The following DLG2 variants were observed in gnomAD, a reference collection of about 807,000 sequenced individuals.
The protein encoded by DLG2 is disks large homolog 2.
DLG2 carries 45 observed loss-of-function variants against 132.5 expected under a neutral mutation model. The observed-to-expected ratio is 0.34, with a 90% CI of 0.27 to 0.44. The LOEUF is 0.44. Ranked by LOEUF, DLG2 falls within the 20% of genes least tolerant of loss-of-function variation. DLG2 has a pLI of 1.00. For synonymous variants in DLG2, 424 were observed against 419.6 expected (o/e 1.01, Z -0.13); for missense variants, 1,045 against 1,196.9 (o/e 0.87, Z 1.87).
At chr11:84,891,015 C>T (rs1183121281) in intron 6 of DLG2, 2 of 152,136 alleles carry the variant, frequency 1.3e-5, no homozygotes, top group East Asian at 1.9e-4. Flanking sequence ...TACTTCTGAT[C>T]CTTAGACTTT....
chr11:84,203,042 G>A (rs4603327), intron 8 of DLG2, among the ~76,000 whole-genome samples: 117,273 of 152,048 alleles, frequency 0.77, 47,462 homozygotes, highest in Middle Eastern at 0.93. Context: ...AACTGTTGTG[G>A]AAGACACTGT....
rs530492192 is a variant in DLG2 at position 84,766,869 on chromosome 11, G to A, written c.358-232138C>T. ...ATTTTCATAAATAATCATAAACAAA[G>A]TAGAAATGAAAAGTATCAATGGCTT... On this transcript the variant is annotated intron_variant, in intron 6 of 27. Coordinates refer to ENST00000376104, the MANE Select transcript of DLG2 (RefSeq NM_001142699.3). 3.9e-5 allele frequency among the ~76,000 whole-genome samples: 6 copies of A among 152,168 alleles called. No individual in the cohort carries two copies. The East Asian group carries it at 9.6e-4, about 24-fold the overall frequency.
rs145107430 is a variant in DLG2 at position 85,458,266 on chromosome 11, T to C, written c.40+140391A>G. 7.5e-4 allele frequency among the ~76,000 whole-genome samples: 114 copies of C among 152,344 alleles called. 1 individual carries two copies. The highest frequency in any genetic ancestry group is 2.5e-3 in the African/African-American group (105 of 41,580). ...ATTGCATTATAAAATTCTTGCAGTA[T>C]GTTTTTCAGCTCTATCAAATCTGTT... On this transcript the variant is annotated intron_variant, in intron 3 of 27. Coordinates refer to ENST00000376104, the MANE Select transcript of DLG2 (RefSeq NM_001142699.3).
chr11:84,498,333 G>C (rs565591149), intron 7 of DLG2, among the ~76,000 whole-genome samples: 15 of 152,096 alleles, frequency 9.9e-5, no homozygotes, highest in African/African-American at 3.1e-4. Context: ...CAATGACAGG[G>C]AGCTGACTGG....
intron 20 of DLG2, among the ~76,000 whole-genome samples, chr11:83,533,910 C>T (rs1320246070): frequency 1.3e-5 from 2 of 151,944 alleles, no homozygotes; most frequent in Non-Finnish European, 2.9e-5. Context: ...GGAAGATAGA[C>T]TGAAGGAGGG....
intron 21 of DLG2, among the ~76,000 whole-genome samples, chr11:83,499,852 G>GAT (rs60890814): frequency 0.029 from 1,770 of 60,930 alleles, 67 homozygotes; most frequent in Admixed American, 0.044. Context: ...ACTAATAGGA[G>GAT]ATATATATAT....
At chr11:84,714,596 T>G (rs2060896915) in intron 6 of DLG2, among the ~76,000 whole-genome samples, 1 of 89,472 alleles carries the variant, frequency 1.1e-5, no homozygotes, top group Non-Finnish European at 1.9e-5. Flanking sequence ...TCTTTCTCTT[T>G]CTTTCTCTTT....
intron 3 of DLG2, among the ~76,000 whole-genome samples, chr11:85,317,804 G>T (rs543390018): frequency 6.6e-6 from 1 of 151,786 alleles, no homozygotes; most frequent in African/African-American, 2.4e-5. Context: ...AATAACTAAT[G>T]AGTACTAGGC....
At position 83,496,070 on chromosome 11, in the gene DLG2, A is replaced by AAT. The variant is rs1390284939; in HGVS notation, c.2194-11844_2194-11843dup. ...TCACAAAGTGGGAAACAATGTTTGC[A>AAT]ATATATATATCTGAAAAGTTTTTAT... On this transcript the variant is annotated intron_variant, in intron 21 of 27. Transcript: ENST00000376104. Among the ~76,000 whole-genome samples, 3 of 152,092 alleles carry AAT rather than the reference A, an allele frequency of 2.0e-5. No homozygotes were observed. The East Asian group carries it at 5.8e-4, about 29-fold the overall frequency.
chr11:83,766,095 CTTTT>C (rs35863223), intron 18 of DLG2, among the ~76,000 whole-genome samples: 2 of 133,686 alleles, frequency 1.5e-5, no homozygotes, highest in Non-Finnish European at 1.6e-5. Context: ...CCACTGAATG[CTTTT>C]TTTTTTTTTT....
At chr11:85,293,596 C>T (rs1473922244) in intron 3 of DLG2, among the ~76,000 whole-genome samples, 1 of 152,038 alleles carries the variant, frequency 6.6e-6, no homozygotes, top group Non-Finnish European at 1.5e-5. Flanking sequence ...ACATACTTGA[C>T]TTGAAATCTT....
chr11:83,587,656 A>G (rs2097108802), intron 19 of DLG2, among the ~76,000 whole-genome samples: 1 of 152,188 alleles, frequency 6.6e-6, no homozygotes, highest in Non-Finnish European at 1.5e-5. Flanking sequence ...GAGGAATAGG[A>G]ACAGCTCCGG....
At chr11:85,463,148 C>G (rs2092672219) in intron 3 of DLG2, among the ~76,000 whole-genome samples, 1 of 152,214 alleles carries the variant, frequency 6.6e-6, no homozygotes. Flanking sequence ...ACAGCCCTAA[C>G]AGACTAATAT....
At chr11:84,109,319 G>A (rs1336988449) in intron 9 of DLG2, among the ~76,000 whole-genome samples, 1 of 152,140 alleles carries the variant, frequency 6.6e-6, no homozygotes, top group Non-Finnish European at 1.5e-5. Flanking sequence ...AGTTTTCTGA[G>A]TGACAGACCT....
At chr11:83,479,829 ATC>A (rs530398280) in intron 22 of DLG2, among the ~76,000 whole-genome samples, 102 of 152,240 alleles carry the variant, frequency 6.7e-4, no homozygotes, top group Non-Finnish European at 1.2e-3. Flanking sequence ...TTCCCCAATT[ATC>A]AAAAAAGTAA....
At chr11:84,865,949 A>G (rs572651484) in intron 6 of DLG2, among the ~76,000 whole-genome samples, 2 of 152,354 alleles carry the variant, frequency 1.3e-5, no homozygotes, top group African/African-American at 2.4e-5. Flanking sequence ...GCAACCTTAG[A>G]ATCTGCTACA....
chr11:85,537,327 A>C (rs1285102908), intron 3 of DLG2, among the ~76,000 whole-genome samples: 1 of 152,220 alleles, frequency 6.6e-6, no homozygotes, highest in African/African-American at 2.4e-5. Context: ...GGCTCAGGTC[A>C]CTTTCCAGGC....
chr11:85,153,475 T>C (rs77087470), intron 5 of DLG2, among the ~76,000 whole-genome samples: 2,956 of 152,274 alleles, frequency 0.019, 56 homozygotes, highest in Admixed American at 0.037. Flanking sequence ...ATCATTTCTC[T>C]ATAAGCTGAT....
intron 6 of DLG2, among the ~76,000 whole-genome samples, chr11:85,090,586 T>C (rs2068607429): frequency 6.6e-6 from 1 of 152,220 alleles, no homozygotes; most frequent in Non-Finnish European, 1.5e-5. Context: ...TGGGGAAACA[T>C]TTCTTATTTG....
Sources: allele counts gnomAD v4.1 joint callset (sites outside exome capture counted in the v4.1 genomes callset), GRCh38; gene constraint gnomAD v4.1.1; transcripts MANE v1.5; gene names NCBI Gene and HGNC (gene_info 2026-07-23, HGNC 2026-07-21).